Variants in SLC22A3 observed in about 807,000 individuals in gnomAD.
SLC22A3 encodes EMT organic cation transporter 3.
SLC22A3 carries 51 observed loss-of-function variants against 59.1 expected under a neutral mutation model. The ratio of observed to expected loss-of-function variants is 0.86; its 90% CI spans 0.69 to 1.09. SLC22A3 has a LOEUF of 1.09. SLC22A3 is among the 50% of genes least tolerant of loss of function. SLC22A3 has a pLI of 0.00. For missense variants in SLC22A3, 711 were observed against 726.3 expected (o/e 0.98, Z 0.24); for synonymous variants, 325 against 292.0 (o/e 1.11, Z -1.15).
chr6:160,352,293 A>G (rs1784687680), intron 1 of SLC22A3, among the ~76,000 whole-genome samples: 1 of 152,248 alleles, frequency 6.6e-6, no homozygotes, highest in Non-Finnish European at 1.5e-5. Flanking sequence ...GCTCAAGGCA[A>G]GGCAGTGGAT....
intron 1 of SLC22A3, among the ~76,000 whole-genome samples, chr6:160,382,611 T>C (rs1178372085): frequency 1.3e-5 from 2 of 152,168 alleles, no homozygotes; most frequent in Non-Finnish European, 2.9e-5. Flanking sequence ...CCCTGTCCTC[T>C]GATATATCAA....
chr6:160,373,785 C>T (rs747805157), intron 1 of SLC22A3, among the ~76,000 whole-genome samples: 1 of 152,172 alleles, frequency 6.6e-6, no homozygotes, highest in Non-Finnish European at 1.5e-5. Context: ...GTTCAAACTT[C>T]CCAGAGGCTT....
At chr6:160,367,824 G>A (rs907302463) in intron 1 of SLC22A3, among the ~76,000 whole-genome samples, 6 of 152,114 alleles carry the variant, frequency 3.9e-5, no homozygotes, top group Admixed American at 2.0e-4. Flanking sequence ...CTCTGTAGTC[G>A]GTGCCAGCCT....
intron 1 of SLC22A3, among the ~76,000 whole-genome samples, chr6:160,361,582 A>T (rs1785013671): frequency 6.6e-6 from 1 of 152,204 alleles, no homozygotes; most frequent in African/African-American, 2.4e-5. Context: ...CATGTGTTCA[A>T]CTCACTTAAT....
chr6:160,426,508 G>A (rs866015365), intron 5 of SLC22A3: 5 of 280,402 alleles, frequency 1.8e-5, no homozygotes, highest in Middle Eastern at 1.7e-3. Flanking sequence ...TGATTTATAT[G>A]TTTGCTATTA....
In SLC22A3 at chr6:160,376,386, C is replaced by G. The variant is rs187760970; in HGVS notation, c.430-21593C>G. ...GGTGCGGAGAGGGGTGAGGGGAGGGCGAACACCAGGACAAAGAGCTAATGC... is the reference window on the plus strand; with the variant it reads ...GGTGCGGAGAGGGGTGAGGGGAGGGGGAACACCAGGACAAAGAGCTAATGC... On this transcript the variant is annotated intron_variant, in intron 1 of 10. Transcript: ENST00000275300. Among the ~76,000 whole-genome samples, 40 of 152,026 alleles carry G rather than the reference C, an allele frequency of 2.6e-4. 1 individual carries two copies.
At chr6:160,410,903 T>G in intron 5 of SLC22A3, 57 bp downstream of exon 5, 1 of 1,021,032 alleles carries the variant, frequency 9.8e-7, no homozygotes, top group Non-Finnish European at 1.5e-6. Flanking sequence ...TTGATTTTGT[T>G]GCTTCTTGTG....
chr6:160,355,895 G>T (rs925595204), intron 1 of SLC22A3, among the ~76,000 whole-genome samples: 4 of 152,168 alleles, frequency 2.6e-5, no homozygotes, highest in African/African-American at 9.7e-5. Flanking sequence ...ACCCAGGGCT[G>T]GGCTTGGCTT....
At chr6:160,420,732 C>T (rs949035925) in intron 5 of SLC22A3, among the ~76,000 whole-genome samples, 1 of 152,200 alleles carries the variant, frequency 6.6e-6, no homozygotes, top group South Asian at 2.1e-4. Flanking sequence ...TGGGTCAGTC[C>T]TCATCTCCCC....
chr6:160,374,641 G>C (rs1047628692), intron 1 of SLC22A3, among the ~76,000 whole-genome samples: 1 of 152,202 alleles, frequency 6.6e-6, no homozygotes, highest in Non-Finnish European at 1.5e-5. Flanking sequence ...TACCCAGCGT[G>C]TGTGGAGAGG....
At position 160,385,097 on chromosome 6, in the gene SLC22A3, T is replaced by A. The variant is rs574708644; in HGVS notation, c.430-12882T>A. The stretch of plus-strand genomic sequence containing the variant: ...TTCCTTTTTGCAGGATGCTCCTTTT[T>A]CATGATTAATTGCTCTCATTTTGTC... On this transcript the variant is annotated intron_variant, in intron 1 of 10. Transcript: ENST00000275300. Among the ~76,000 whole-genome samples the A allele has an allele frequency of 2.0e-4, 31 of 152,360 alleles. No homozygotes were observed. In the South Asian group the frequency reaches 5.4e-3, roughly 26 times the overall value.
At chr6:160,395,190 A>G (rs756619263) in intron 1 of SLC22A3, among the ~76,000 whole-genome samples, 12 of 152,266 alleles carry the variant, frequency 7.9e-5, no homozygotes, top group Non-Finnish European at 1.6e-4. Context: ...ATCCTATTTG[A>G]CTATGCCTTT....
intron 1 of SLC22A3, among the ~76,000 whole-genome samples, chr6:160,363,549 G>T (rs1785097929): frequency 6.6e-6 from 1 of 152,166 alleles, no homozygotes; most frequent in Non-Finnish European, 1.5e-5. Flanking sequence ...CGCTGGATGG[G>T]GCTGGGTTGG....
rs1344342342 is a variant in SLC22A3, at chr6:160,398,039, G to C, written c.490G>C (p.Gly164Arg). 1 of 1,613,732 alleles carries C rather than the reference G, an allele frequency of 6.2e-7. No homozygotes were observed. The highest frequency in any genetic ancestry group is 2.2e-5 in the East Asian group (1 of 44,858). ...CCTCACCCAAGCCATCCTGAACCTC[G>C]GCTTCCTGACTGGAGCATTCACCTT... Reference protein sequence around the residue: ...LDLTQAILNLGFLTGAFTLGY... With the variant: ...LDLTQAILNLRFLTGAFTLGY... The change falls in exon 2 of 11, where the codon GGC (glycine) becomes CGC (arginine). Residue 164 changes from glycine to arginine, a missense_variant. Physicochemically the swap from Gly to Arg is moderately radical, Grantham distance 125. Coordinates refer to ENST00000275300, the MANE Select transcript of SLC22A3 (RefSeq NM_021977.4).
rs73782562 is a variant in SLC22A3 at position 160,349,452 on chromosome 6, G to A, written c.429+604G>A. 6.1e-4 allele frequency among the ~76,000 whole-genome samples: 93 copies of A among 151,822 alleles called. 1 individual carries two copies. Among genetic ancestry groups the A allele is most frequent in the African/African-American group, 2.2e-3 (92 of 41,272 alleles). ...AAAGAGCAACATCTGGGATAAGTTG[G>A]GAAAACTGAAGTATTGGATAAATTT... On this transcript the variant is annotated intron_variant, in intron 1 of 10. Transcript: ENST00000275300.
chr6:160,451,055 G>T lies in SLC22A3; in HGVS notation c.1670G>T (p.Ter557LeuextTer56). 1 of 1,590,556 alleles carries T rather than the reference G, an allele frequency of 6.3e-7. No homozygotes were observed. The highest frequency in any genetic ancestry group is 2.3e-5 in the East Asian group (1 of 43,810). ...KKTPVSRSHL[*>L] ...ACCCCAGTTTCCCGCTCTCACCTTTGAGGCCCCCGACAAAGACAGAAAGAA... is the reference window on the plus strand; with the variant it reads ...ACCCCAGTTTCCCGCTCTCACCTTTTAGGCCCCCGACAAAGACAGAAAGAA... The change falls in exon 11 of 11, where the codon TGA becomes TTA. Residue 557 changes from the stop codon to leucine, a stop_lost. Transcript: ENST00000275300.
chr6:160,414,553 A>G (rs1195294251), intron 5 of SLC22A3, among the ~76,000 whole-genome samples: 1 of 152,226 alleles, frequency 6.6e-6, no homozygotes, highest in Non-Finnish European at 1.5e-5. Context: ...TGGGTAATTT[A>G]TAAAGGAAAG....
chr6:160,409,186 C>A (rs1465334543), intron 4 of SLC22A3, among the ~76,000 whole-genome samples: 1 of 100,758 alleles, frequency 9.9e-6, no homozygotes, highest in Non-Finnish European at 1.9e-5. Flanking sequence ...CCGACCCCAC[C>A]ACAGTCCCCA....
At chr6:160,441,297 TC>T (rs1167862354) in intron 7 of SLC22A3, among the ~76,000 whole-genome samples, 2 of 151,930 alleles carry the variant, frequency 1.3e-5, no homozygotes, top group Admixed American at 1.3e-4. Context: ...TAGTCTCCAC[TC>T]CCCCCTTTTC....
Sources: allele counts gnomAD v4.1 joint callset (sites outside exome capture counted in the v4.1 genomes callset), GRCh38; gene constraint gnomAD v4.1.1; transcripts MANE v1.5; gene names NCBI Gene and HGNC (gene_info 2026-07-23, HGNC 2026-07-21).